The following NUMB variants were observed in gnomAD, a reference collection of about 807,000 sequenced individuals.
NUMB encodes protein numb homolog.
A neutral mutation model predicts 59.7 loss-of-function variants in NUMB; 29 were observed. The observed-to-expected ratio is 0.49, with a 90% CI of 0.36 to 0.66. The LOEUF (loss-of-function observed/expected upper bound fraction) is 0.66. NUMB is among the 30% of genes least tolerant of loss of function. The pLI, the probability that NUMB is intolerant of heterozygous loss-of-function variation, is 0.00. For missense variants in NUMB, 723 were observed against 822.0 expected (o/e 0.88, Z 1.47); for synonymous variants, 288 against 288.2 (o/e 1.00, Z 0.01).
chr14:73,356,605 C>T (rs1302973977), intron 3 of NUMB, among the ~76,000 whole-genome samples: 1 of 152,076 alleles, frequency 6.6e-6, no homozygotes, highest in Non-Finnish European at 1.5e-5. Flanking sequence ...ATCACACAGC[C>T]TGGGCGACAG....
chr14:73,413,439 T>G (rs1194966400), intron 1 of NUMB, among the ~76,000 whole-genome samples: 2 of 151,842 alleles, frequency 1.3e-5, no homozygotes, highest in African/African-American at 4.8e-5. Flanking sequence ...CTGGGAACAT[T>G]TGCTTCTAAT....
rs1005991070 is a variant in NUMB, at chr14:73,287,140, T to C, written c.625A>G (p.Ile209Val). The C allele has an allele frequency of 3.7e-6, 6 of 1,613,862 alleles. No homozygotes were observed. The highest frequency in any genetic ancestry group is 1.3e-5 in the African/African-American group (1 of 74,890). Residue 209 changes from isoleucine to valine, a missense_variant, in exon 9 of 13, where the codon ATC becomes GTC. By Grantham distance (29) the Ile-to-Val change is conservative. This residue lies in a region of NUMB where 317 missense variants were observed against 436.6 expected (regional missense o/e 0.73). Coordinates refer to ENST00000555238, the MANE Select transcript of NUMB (RefSeq NM_001005743.2). ...TTGGCATCTTGCATTTGTTTCATGA[T>C]CTCCTCTCTTTCTGCTTGTTCAGTG... ...TATEQAEREE[I>V]MKQMQDAKKA...
chr14:73,294,076 A>C (rs1171244243), intron 7 of NUMB, among the ~76,000 whole-genome samples: 1 of 152,148 alleles, frequency 6.6e-6, no homozygotes, highest in Non-Finnish European at 1.5e-5. Context: ...AGTCATTGTG[A>C]ATGTTGTATG....
At chr14:73,390,638 CTTTTTTTTTT>C (rs55831976) in intron 2 of NUMB, among the ~76,000 whole-genome samples, 30 of 39,406 alleles carry the variant, frequency 7.6e-4, no homozygotes, top group Non-Finnish European at 9.0e-4. Context: ...AAAACAAAGT[CTTTTTTTTTT>C]TTTTTTTTTT....
chr14:73,352,038 A>G (rs956257986), intron 4 of NUMB, among the ~76,000 whole-genome samples: 2 of 152,064 alleles, frequency 1.3e-5, no homozygotes, highest in Non-Finnish European at 2.9e-5. Context: ...GATTAATTTT[A>G]TGTTATATGT....
intron 1 of NUMB, among the ~76,000 whole-genome samples, chr14:73,431,853 A>G (rs1897846419): frequency 6.6e-6 from 1 of 152,040 alleles, no homozygotes; most frequent in Admixed American, 6.6e-5. Flanking sequence ...AAATATACTT[A>G]CTCTTTCTAA....
intron 1 of NUMB, among the ~76,000 whole-genome samples, chr14:73,431,642 G>A (rs1037562817): frequency 6.6e-5 from 10 of 151,708 alleles, no homozygotes; most frequent in Admixed American, 1.3e-4. Flanking sequence ...CCAGCTACTC[G>A]GGAGGCTGAG....
At chr14:73,307,863 G>A (rs1890547409) in intron 6 of NUMB, among the ~76,000 whole-genome samples, 1 of 150,822 alleles carries the variant, frequency 6.6e-6, no homozygotes, top group Admixed American at 6.7e-5. Context: ...CTCCCGAGTA[G>A]CTGGGACTAT....
chr14:73,379,004 G>A (rs144416522), intron 2 of NUMB, among the ~76,000 whole-genome samples: 171 of 152,228 alleles, frequency 1.1e-3, no homozygotes, highest in Non-Finnish European at 1.8e-3. Flanking sequence ...CAATTTTGCT[G>A]TGAACCTAAA....
Position 73,288,809 on chromosome 14 carries a change from C to T in NUMB, c.451-1495G>A, listed in dbSNP as rs942747835. Among the ~76,000 whole-genome samples, 49 of 137,734 alleles carry T rather than the reference C, an allele frequency of 3.6e-4. 1 individual carries two copies. Among genetic ancestry groups the T allele is most frequent in the East Asian group, 2.2e-4 (1 of 4,474 alleles). The allele number at this position is 137,734 out of a possible 152,430, so 90.4% of individuals were successfully genotyped here. On this transcript the variant is annotated intron_variant, in intron 8 of 12. Transcript: ENST00000555238. ...AGGAGGTGGAGGTTGCAGTAAGCCA[C>T]GATCGTGCCATTGCACTCCAGCCTG...
intron 2 of NUMB, among the ~76,000 whole-genome samples, chr14:73,382,093 T>C (rs1447584895): frequency 1.3e-5 from 2 of 152,232 alleles, no homozygotes; most frequent in Non-Finnish European, 2.9e-5. Context: ...ATATTGCTTT[T>C]GCCCTTGGGG....
chr14:73,421,705 G>A (rs77199193), intron 1 of NUMB, among the ~76,000 whole-genome samples: 3,761 of 152,138 alleles, frequency 0.025, 148 homozygotes, highest in African/African-American at 0.086. Flanking sequence ...ACAACTCTTG[G>A]TAAAGTTCTG....
intron 4 of NUMB, among the ~76,000 whole-genome samples, chr14:73,335,821 C>T (rs949281753): frequency 6.6e-6 from 1 of 152,212 alleles, no homozygotes. Flanking sequence ...AGGAGCTTTA[C>T]AGCATCTTAA....
intron 11 of NUMB, among the ~76,000 whole-genome samples, chr14:73,280,592 C>T (rs1246457027): frequency 6.6e-6 from 1 of 151,504 alleles, no homozygotes; most frequent in Non-Finnish European, 1.5e-5. Flanking sequence ...CTCTCAATAA[C>T]ATTCAGTTTG....
intron 1 of NUMB, among the ~76,000 whole-genome samples, chr14:73,422,557 G>A (rs1869184712): frequency 6.6e-6 from 1 of 152,074 alleles, no homozygotes; most frequent in African/African-American, 2.4e-5. Flanking sequence ...CTGGCTCATG[G>A]TTCTGCAGGA....
chr14:73,275,735 T>C lies in NUMB; in HGVS notation c.*843A>G, dbSNP rs1308937418. The C allele has an allele frequency of 1.3e-5, 2 of 152,614 alleles. No homozygotes were observed. The highest frequency in any genetic ancestry group is 2.4e-5 in the African/African-American group (1 of 41,448). 9.5% of individuals were successfully genotyped at this position (152,614 alleles called of 1,614,324 possible). A position where few individuals can be genotyped will look rare whatever the true frequency, so the allele number is the denominator to read the frequency against. ...TTAAAAAAAACTACAACCTAGTGAC[T>C]GTATTGGTCATAAGCATGATTGTTG... On this transcript the variant is annotated 3_prime_UTR_variant, in exon 13 of 13. Coordinates refer to ENST00000555238, the MANE Select transcript of NUMB (RefSeq NM_001005743.2).
At position 73,287,078 on chromosome 14, in the gene NUMB, TCCATAAATACACACTGTAG is replaced by T; in HGVS notation, c.655+13_655+31del. On this transcript the variant is annotated intron_variant, in intron 9 of 12. Transcript: ENST00000555238. ...AATACCTTGTTGGGAAAAACTGCAT[TCCATAAATACACACTGTAG>T]AACAGATTGTACCTTTCTTGGCATC... The T allele has an allele frequency of 1.3e-6, 2 of 1,599,320 alleles. No homozygotes were observed.
At chr14:73,309,092 A>G (rs920057049) in intron 6 of NUMB, among the ~76,000 whole-genome samples, 2 of 152,224 alleles carry the variant, frequency 1.3e-5, no homozygotes. Flanking sequence ...TAGCATTGCC[A>G]GAATAAGTAA....
chr14:73,319,369 G>T (rs996090987), intron 5 of NUMB, among the ~76,000 whole-genome samples: 1 of 152,210 alleles, frequency 6.6e-6, no homozygotes, highest in Non-Finnish European at 1.5e-5. Context: ...GCCTTCCAAA[G>T]ATCATTCACA....
Sources: gnomAD v4.1 joint callset for allele counts (sites outside exome capture counted in the v4.1 genomes callset) on GRCh38, gnomAD v4.1.1 for gene constraint, gnomAD v4.1.1 regional missense constraint, MANE v1.5 for transcripts, NCBI Gene and HGNC (gene_info 2026-07-23, HGNC 2026-07-21) for gene names.